Variants in SYNE2 observed in about 807,000 individuals in gnomAD.
The protein encoded by SYNE2 is spectrin repeat containing nuclear envelope protein 2, also known as nesprin-2.
SYNE2 carries 431 observed loss-of-function variants against 856.3 expected under a neutral mutation model. The ratio of observed to expected loss-of-function variants is 0.50; its 90% confidence interval spans 0.47 to 0.55. The LOEUF (loss-of-function observed/expected upper bound fraction) is 0.55. SYNE2 is among the 20% of genes least tolerant of loss of function. The pLI is 0.00. For synonymous variants in SYNE2, 2,923 were observed against 2,872.3 expected, an observed-to-expected ratio of 1.02 and a Z score of -0.56; for missense variants, 8,129 against 8,023.2, an observed-to-expected ratio of 1.01 and a Z score of -0.50.
At chr14:64,074,948 G>A (rs1362925874) in intron 53 of SYNE2, among the ~76,000 whole-genome samples, 4 of 152,008 alleles carry the variant, frequency 2.6e-5, no homozygotes, top group African/African-American at 9.7e-5. Flanking sequence ...TAAAGAAGCA[G>A]TCTTCATGGG....
At chr14:64,151,711 G>A (rs572548347) in intron 84 of SYNE2, among the ~76,000 whole-genome samples, 2 of 152,186 alleles carry the variant, frequency 1.3e-5, no homozygotes, top group Admixed American at 6.5e-5. Flanking sequence ...GCAGAAGCGC[G>A]TCCCAAATTT....
At chr14:63,868,587 T>G (rs1485119051) in intron 1 of SYNE2, among the ~76,000 whole-genome samples, 1 of 152,126 alleles carries the variant, frequency 6.6e-6, no homozygotes, top group Non-Finnish European at 1.5e-5. Context: ...TGCCTAATTA[T>G]TCCCAAGGTC....
At chr14:63,925,189 G>T (rs12882341) in intron 2 of SYNE2, among the ~76,000 whole-genome samples, 21,350 of 151,904 alleles carry the variant, frequency 0.14, 2,111 homozygotes, top group African/African-American at 0.28. Context: ...AGGTGTGGTG[G>T]CTCATGCCTG....
chr14:63,785,703 T>C (rs1349453077), intron 1 of SYNE2, among the ~76,000 whole-genome samples: 1 of 152,232 alleles, frequency 6.6e-6, no homozygotes, highest in Non-Finnish European at 1.5e-5. Context: ...TATGTGGCTA[T>C]GTCTCATAAA....
chr14:64,084,696 A>G (rs1421943441), intron 57 of SYNE2: 1 of 405,218 alleles, frequency 2.5e-6, no homozygotes, highest in Non-Finnish European at 4.4e-6. Context: ...TGAGCTATAT[A>G]TTAGCTATTT....
chr14:64,076,303 ATG>A (rs2097458693), intron 54 of SYNE2, among the ~76,000 whole-genome samples: 1 of 152,208 alleles, frequency 6.6e-6, no homozygotes, highest in Non-Finnish European at 1.5e-5. Context: ...GATGATTTAT[ATG>A]TATTTAATTG....
chr14:64,098,285 T>C, intron 62 of SYNE2, 139 bp downstream of exon 62: 1 of 922,992 alleles, frequency 1.1e-6, no homozygotes, highest in Non-Finnish European at 1.7e-6. Context: ...ATACTCAACC[T>C]GAGGTTGTTT....
At chr14:63,762,682 C>A (rs974142867) in intron 1 of SYNE2, among the ~76,000 whole-genome samples, 14 of 151,298 alleles carry the variant, frequency 9.3e-5, no homozygotes, top group Non-Finnish European at 1.6e-4. Flanking sequence ...ACAATCCACC[C>A]GCCTTAGCTC....
chr14:64,021,252 C>A (rs1273285527), intron 35 of SYNE2, 63 bp from the exon 36 acceptor site: 2 of 1,253,372 alleles, frequency 1.6e-6, no homozygotes, highest in South Asian at 1.2e-5. Context: ...TCTAGCAATG[C>A]AGTTGTCTTA....
Position 64,002,855 on chromosome 14 carries a change from T to C in SYNE2, c.3922T>C (p.Phe1308Leu). The C allele has an allele frequency of 6.2e-7, 1 of 1,614,146 alleles. No homozygotes were observed. Reference protein sequence around the residue: ...QNIILKYKTQFEGMNHRVQRS... With the variant: ...QNIILKYKTQLEGMNHRVQRS... The stretch of plus-strand genomic sequence containing the variant: ...TATTATACTGAAATACAAAACACAA[T>C]TTGAAGGAATGAACCACAGGGTGCA... Residue 1308 changes from phenylalanine (F) to leucine (L), a missense_variant, in exon 30 of 116, where the codon TTT becomes CTT. Physicochemically the swap from Phe to Leu is conservative, Grantham distance 22. Transcript: ENST00000555002.
At chr14:63,778,344 T>A (rs1011483941) in intron 1 of SYNE2, among the ~76,000 whole-genome samples, 4 of 152,156 alleles carry the variant, frequency 2.6e-5, no homozygotes, top group African/African-American at 4.8e-5. Context: ...CTCTTTTTTT[T>A]AATAAATGAC....
intron 2 of SYNE2, among the ~76,000 whole-genome samples, chr14:63,910,046 T>C (rs11158520): frequency 0.078 from 11,816 of 152,258 alleles, 478 homozygotes; most frequent in Admixed American, 0.11. Flanking sequence ...TCTACCTTTG[T>C]TGATAAAGCA....
intron 42 of SYNE2, among the ~76,000 whole-genome samples, chr14:64,027,144 A>G (rs1485659353): frequency 6.6e-6 from 1 of 152,246 alleles, no homozygotes; most frequent in Non-Finnish European, 1.5e-5. Context: ...TAGTTGGTTA[A>G]TATACGGAAT....
chr14:63,960,794 C>T, intron 8 of SYNE2: 2 of 762,342 alleles, frequency 2.6e-6, no homozygotes, highest in Non-Finnish European at 4.8e-6. Context: ...TGTCTTGTGC[C>T]AGCTACTTGT....
intron 51 of SYNE2, among the ~76,000 whole-genome samples, chr14:64,068,594 G>A (rs941279315): frequency 5.9e-5 from 9 of 152,064 alleles, no homozygotes; most frequent in African/African-American, 1.4e-4. Context: ...AGGAGCAGTG[G>A]CTCACGCCTG....
chr14:63,953,258 G>T (rs1357078439), intron 7 of SYNE2, among the ~76,000 whole-genome samples: 1 of 152,204 alleles, frequency 6.6e-6, no homozygotes, highest in Non-Finnish European at 1.5e-5. Flanking sequence ...AGGTGGTAAG[G>T]CAGGGCTTTG....
Position 64,136,435 on chromosome 14 carries a change from G to A in SYNE2, c.14647-1352G>A, listed in dbSNP as rs987021521. Among the ~76,000 whole-genome samples the A allele has an allele frequency of 2.0e-5, 3 of 151,776 alleles. No individual in the cohort carries two copies. In the East Asian group the frequency reaches 5.8e-4, roughly 29 times the overall value. On this transcript the variant is annotated intron_variant, in intron 78 of 115. Transcript: ENST00000555002. ...AGATGCTCAGACACGGGGGGGAGGGGATTACAAATGGGAGTGGTGGAAAGG... is the reference window on the plus strand; with the variant it reads ...AGATGCTCAGACACGGGGGGGAGGGAATTACAAATGGGAGTGGTGGAAAGG...
chr14:64,027,683 T>A lies in SYNE2; in HGVS notation c.6604T>A (p.Leu2202Ile), dbSNP rs571868188. The change falls in exon 43 of 116, where the codon TTA becomes ATA. Residue 2202 changes from leucine (L) to isoleucine (I), a missense_variant. Transcript: ENST00000555002. ...AGATTTGACATCCTTGCTAAAGGAG[T>A]TAAAATCTCAGGGAAACTACCTCTT... Reference protein sequence around the residue: ...AQDLTSLLKELKSQGNYLLEC... With the variant: ...AQDLTSLLKEIKSQGNYLLEC... The A allele has an allele frequency of 2.9e-4, 473 of 1,613,944 alleles. 2 individuals are homozygous for A. The South Asian group carries it at 5.0e-3, about 17-fold the overall frequency.
Position 64,187,964 on chromosome 14 carries a change from T to G in SYNE2, c.17713-586T>G, listed in dbSNP as rs572297570. ...GTCAGCCTGCTTGCTGCAGACCAGC[T>G]GTTGATGATACTTTTATGGTTTCCA... On this transcript the variant is annotated intron_variant, in intron 97 of 115. Transcript: ENST00000555002. Among the ~76,000 whole-genome samples the G allele has an allele frequency of 9.2e-5, 14 of 152,366 alleles. No homozygotes were observed. The South Asian group carries it at 2.7e-3, about 29-fold the overall frequency.
Sources: gnomAD v4.1 joint callset for allele counts (sites outside exome capture counted in the v4.1 genomes callset) on GRCh38, gnomAD v4.1.1 for gene constraint, MANE v1.5 for transcripts, NCBI Gene and HGNC (gene_info 2026-07-23, HGNC 2026-07-21) for gene names.